CRACD: variants seen among roughly 807,000 people sequenced by gnomAD.
CRACD encodes capping protein inhibiting regulator of actin dynamics, also known as capping protein-inhibiting regulator of actin dynamics.
Under a neutral mutation model 106.8 loss-of-function variants are expected in CRACD, and 56 were observed. That is an observed-to-expected ratio of 0.52 (90% CI 0.42 to 0.66). The LOEUF is 0.66. CRACD is among the 30% of genes least tolerant of loss of function. The probability of loss-of-function intolerance (pLI) is 0.00; values close to 1 mark genes in which losing one functional copy is unlikely to be tolerated. For synonymous variants in CRACD, 754 were observed against 670.8 expected (o/e 1.12, Z -1.92); for missense variants, 1,730 against 1,623.2 (o/e 1.07, Z -1.13).
chr4:56,049,778 C>G (rs1341343937), intron 1 of CRACD: 1 of 152,236 alleles, frequency 6.6e-6, no homozygotes, highest in Non-Finnish European at 1.5e-5. Context: ...CCGTTTCGCA[C>G]AAACTCTTGT....
chr4:56,230,606 G>A (rs990381732), intron 2 of CRACD, among the ~76,000 whole-genome samples: 16 of 152,260 alleles, frequency 1.1e-4, no homozygotes, highest in African/African-American at 3.6e-4. Context: ...AATGGTTTTC[G>A]AGCAGTGTTT....
chr4:56,091,300 A>G (rs991884106), intron 1 of CRACD, among the ~76,000 whole-genome samples: 28 of 152,000 alleles, frequency 1.8e-4, no homozygotes, highest in African/African-American at 6.5e-4. Context: ...CTCCCATTTC[A>G]GACACCCAGA....
At chr4:56,164,195 C>G (rs142606100) in intron 1 of CRACD, among the ~76,000 whole-genome samples, 1 of 149,650 alleles carries the variant, frequency 6.7e-6, no homozygotes. Context: ...AGTGCAGTGG[C>G]GCAATTTCGG....
chr4:56,282,134 A>C, intron 3 of CRACD, among the ~76,000 whole-genome samples: 1 of 152,228 alleles, frequency 6.6e-6, no homozygotes, highest in East Asian at 1.9e-4. Context: ...GGATCTGTTT[A>C]GGAAGAAAAC....
chr4:56,071,701 G>C (rs1317661912), intron 1 of CRACD, among the ~76,000 whole-genome samples: 2 of 151,962 alleles, frequency 1.3e-5, no homozygotes, highest in Non-Finnish European at 2.9e-5. Context: ...AGTAGAGACA[G>C]GGTTTCACCA....
At chr4:56,187,018 A>G (rs868320786) in intron 2 of CRACD, among the ~76,000 whole-genome samples, 2 of 151,614 alleles carry the variant, frequency 1.3e-5, no homozygotes, top group Middle Eastern at 3.4e-3. Context: ...GCAGTGAGCC[A>G]TGATCATGCC....
chr4:56,245,632 C>G (rs1011092955), intron 2 of CRACD, among the ~76,000 whole-genome samples: 1 of 152,170 alleles, frequency 6.6e-6, no homozygotes, highest in African/African-American at 2.4e-5. Flanking sequence ...ATTTGTTCTA[C>G]TGCAGCAAAT....
rs565013040 is a variant in CRACD, at chr4:56,317,089, G to T, written c.3187+400G>T. On this transcript the variant is annotated intron_variant, in intron 8 of 10. Transcript: ENST00000682029. The stretch of plus-strand genomic sequence containing the variant: ...CTAGTTATAAAAGTTGAAAAGCCTG[G>T]AACCAGATGCCTATGTTAGATACTA... Among the ~76,000 whole-genome samples, 10 of 152,302 alleles carry T rather than the reference G, an allele frequency of 6.6e-5. No homozygotes were observed. The South Asian group carries it at 2.1e-3, about 32-fold the overall frequency.
At chr4:56,057,809 T>G (rs202193055) in intron 1 of CRACD, among the ~76,000 whole-genome samples, 2,359 of 60,536 alleles carry the variant, frequency 0.039, 310 homozygotes, top group South Asian at 0.09. Context: ...ATTTTTTTTT[T>G]TTTTGTTTTT....
At chr4:56,180,275 A>G (rs1178023042) in intron 2 of CRACD, among the ~76,000 whole-genome samples, 1 of 151,996 alleles carries the variant, frequency 6.6e-6, no homozygotes, top group Admixed American at 6.6e-5. Context: ...GCGAATCACA[A>G]GGTCAGGAGT....
At chr4:56,322,003 C>T (rs1237782089) in intron 8 of CRACD, among the ~76,000 whole-genome samples, 1 of 152,144 alleles carries the variant, frequency 6.6e-6, no homozygotes, top group African/African-American at 2.4e-5. Flanking sequence ...TGACTGAGAG[C>T]CCTGGAAGTA....
chr4:56,123,728 C>G (rs940590786), intron 1 of CRACD, among the ~76,000 whole-genome samples: 1 of 151,646 alleles, frequency 6.6e-6, no homozygotes, highest in African/African-American at 2.4e-5. Context: ...CATCCATCTT[C>G]AGAGACCACA....
At chr4:56,324,304 A>G (rs1293619947) in intron 10 of CRACD, 38 bp downstream of exon 10, 11 of 1,586,838 alleles carry the variant, frequency 6.9e-6, no homozygotes, top group African/African-American at 1.3e-5. Flanking sequence ...CTGTAGTTCC[A>G]GGTTTCTCTT....
At chr4:56,204,508 CTT>C (rs1482211437) in intron 2 of CRACD, among the ~76,000 whole-genome samples, 1 of 152,136 alleles carries the variant, frequency 6.6e-6, no homozygotes, top group Non-Finnish European at 1.5e-5. Flanking sequence ...CAGGAACTCT[CTT>C]GATAATGGCA....
intron 2 of CRACD, among the ~76,000 whole-genome samples, chr4:56,260,234 C>T (rs939980444): frequency 6.6e-6 from 1 of 152,206 alleles, no homozygotes; most frequent in Non-Finnish European, 1.5e-5. Context: ...TATCATCTAA[C>T]ATAAGATACG....
chr4:56,061,415 A>G (rs1168583927), intron 1 of CRACD, among the ~76,000 whole-genome samples: 1 of 151,830 alleles, frequency 6.6e-6, no homozygotes, highest in Non-Finnish European at 1.5e-5. Context: ...CAAGTGATCT[A>G]CCTGCCTTGG....
intron 2 of CRACD, among the ~76,000 whole-genome samples, chr4:56,202,104 C>T (rs944602482): frequency 2.6e-5 from 4 of 152,126 alleles, no homozygotes; most frequent in African/African-American, 7.2e-5. Context: ...TACAATTTTC[C>T]TTTTATTTAC....
chr4:56,182,550 G>T (rs370874124), intron 2 of CRACD, among the ~76,000 whole-genome samples: 9 of 152,180 alleles, frequency 5.9e-5, no homozygotes, highest in African/African-American at 2.2e-4. Context: ...CTGCTTATGT[G>T]CTACTAGGGC....
At chr4:56,191,539 T>C (rs866317504) in intron 2 of CRACD, among the ~76,000 whole-genome samples, 12 of 152,188 alleles carry the variant, frequency 7.9e-5, no homozygotes, top group Non-Finnish European at 1.6e-4. Flanking sequence ...ATCCAGATAA[T>C]CCAGGCTCAT....
Sources: allele counts gnomAD v4.1 joint callset (sites outside exome capture counted in the v4.1 genomes callset), GRCh38; gene constraint gnomAD v4.1.1; transcripts MANE v1.5; gene names NCBI Gene and HGNC (gene_info 2026-07-23, HGNC 2026-07-21).